Variants in C9orf72 observed in about 807,000 individuals in gnomAD.
The protein encoded by C9orf72 is C9orf72-SMCR8 complex subunit.
A neutral mutation model predicts 51.6 loss-of-function variants in C9orf72; 44 were observed. The ratio of observed to expected loss-of-function variants is 0.85; its 90% confidence interval spans 0.67 to 1.10. The LOEUF (loss-of-function observed/expected upper bound fraction) is 1.10, where lower values mean the gene tolerates loss of function less well. Among genes scored for constraint, C9orf72 ranks in the 50% least tolerant of loss-of-function variants. The pLI, the probability that C9orf72 is intolerant of heterozygous loss-of-function variation, is 0.00. For synonymous variants in C9orf72, 213 were observed against 194.2 expected, an observed-to-expected ratio of 1.10 and a Z score of -0.81; for missense variants, 607 against 570.6, an observed-to-expected ratio of 1.06 and a Z score of -0.65.
Position 27,558,542 on chromosome 9 carries a change from T to C in C9orf72, c.804A>G (p.Ala268=), listed in dbSNP as rs1819263957. 1 of 1,609,298 alleles carries C rather than the reference T, an allele frequency of 6.2e-7. No homozygotes were observed. Among genetic ancestry groups the C allele is most frequent in the African/African-American group, 1.3e-5 (1 of 74,882 alleles). Residue 268 remains alanine, a synonymous_variant, in exon 7 of 11, where the codon GCA becomes GCG. Coordinates refer to ENST00000380003, the MANE Select transcript of C9orf72 (RefSeq NM_018325.5). ...AERKCSRLCE[A]ESSFKYESGL... ...CTGACTCATATTTAAATGATGATTCTGCTTCACATAACCTGGAGCATTTTC... is the reference window on the plus strand; with the variant it reads ...CTGACTCATATTTAAATGATGATTCCGCTTCACATAACCTGGAGCATTTTC...
intron 1 of C9orf72, among the ~76,000 whole-genome samples, 154 bp from the exon 2 acceptor site, chr9:27,567,318 C>T (rs1819492599): frequency 6.6e-6 from 1 of 152,174 alleles, no homozygotes; most frequent in Non-Finnish European, 1.5e-5. Flanking sequence ...TCAACTAGCA[C>T]AGTAGGTGCA....
At chr9:27,548,912 T>C (rs1040837147) in intron 9 of C9orf72, among the ~76,000 whole-genome samples, 1 of 151,984 alleles carries the variant, frequency 6.6e-6, no homozygotes, top group Non-Finnish European at 1.5e-5. Context: ...TGGCGCGATC[T>C]TGACTCACTG....
chr9:27,566,589 A>G, intron 2 of C9orf72, 88 bp downstream of exon 2: 2 of 904,888 alleles, frequency 2.2e-6, no homozygotes, highest in South Asian at 1.8e-5. Context: ...TTCACTGCAT[A>G]TAATTAAAAA....
intron 5 of C9orf72, chr9:27,561,382 A>T: frequency 7.7e-7 from 1 of 1,303,768 alleles, no homozygotes; most frequent in Non-Finnish European, 9.7e-7. Flanking sequence ...GGTTTCTTTA[A>T]ATAGCAAATG....
intron 5 of C9orf72, chr9:27,560,525 G>T: frequency 1.5e-6 from 1 of 668,570 alleles, no homozygotes; most frequent in South Asian, 4.1e-5. Flanking sequence ...CAATTAGTCA[G>T]TATAATATCA....
chr9:27,573,226 C>CCGA (rs1455624031), intron 1 of C9orf72, among the ~76,000 whole-genome samples: 6 of 152,026 alleles, frequency 3.9e-5, no homozygotes, highest in Admixed American at 1.3e-4. Context: ...GCCGCCGCCG[C>CCGA]CGCCGCCGGG....
intron 8 of C9orf72, among the ~76,000 whole-genome samples, chr9:27,555,263 A>C (rs916594102): frequency 1.3e-5 from 2 of 152,192 alleles, no homozygotes; most frequent in African/African-American, 4.8e-5. Context: ...AGAACCAATA[A>C]AAACTCTGGA....
chr9:27,567,697 T>C (rs1819500651), intron 1 of C9orf72, among the ~76,000 whole-genome samples: 1 of 152,152 alleles, frequency 6.6e-6, no homozygotes, highest in Admixed American at 6.5e-5. Context: ...AGTGTAATCA[T>C]GTTAAAATGG....
intron 1 of C9orf72, among the ~76,000 whole-genome samples, chr9:27,570,092 T>G (rs1276815634): frequency 1.3e-5 from 2 of 152,220 alleles, no homozygotes; most frequent in Non-Finnish European, 2.9e-5. Flanking sequence ...TTTCAAAAAT[T>G]CATTTAGGTA....
chr9:27,554,427 A>C (rs879893062), intron 8 of C9orf72, among the ~76,000 whole-genome samples: 3 of 152,186 alleles, frequency 2.0e-5, no homozygotes, highest in Non-Finnish European at 4.4e-5. Context: ...TCTAAGTGGG[A>C]GCTAAACACT....
chr9:27,560,528 T>A (rs1819318674), intron 5 of C9orf72: 1 of 653,218 alleles, frequency 1.5e-6, no homozygotes, highest in African/African-American at 2.3e-5. Context: ...TTAGTCAGTA[T>A]AATATCATTT....
At position 27,556,750 on chromosome 9, in the gene C9orf72, G is replaced by A; in HGVS notation, c.902C>T (p.Ala301Val). ...FVLPFRQVMY[A>V]PYPTTHIDVD... is the part of the protein sequence containing the mutation. ...ATCTATGTGTGTGGTGGGATATGGA[G>A]CATACATGACTTGCCGGAAAGGCAG... The change falls in exon 8 of 11, where the codon GCT becomes GTT. Residue 301 changes from alanine to valine, a missense_variant. Ala to Val is a moderately conservative substitution (Grantham distance 64, BLOSUM62 0). Transcript: ENST00000380003. 6.2e-7 allele frequency: 1 copy of A among 1,613,962 alleles called. No homozygotes were observed.
chr9:27,548,453 AAAAAAAAAG>A (rs767103403), intron 10 of C9orf72, 31 bp from the exon 11 acceptor site: 1 of 1,414,190 alleles, frequency 7.1e-7, no homozygotes. Flanking sequence ...AAAAAAAAAA[AAAAAAAAAG>A]AAGCGCAAAA....
chr9:27,560,906 G>T, intron 5 of C9orf72: 2 of 356,896 alleles, frequency 5.6e-6, no homozygotes, highest in Non-Finnish European at 7.8e-6. Context: ...GAACTAACAT[G>T]TAGGCACTCA....
At position 27,567,145 on chromosome 9, in the gene C9orf72, T is replaced by A. The variant is rs746005912; in HGVS notation, c.-25A>T. 1.7e-5 allele frequency: 27 copies of A among 1,587,280 alleles called. No homozygotes were observed. Among genetic ancestry groups the A allele is most frequent in the Non-Finnish European group, 2.2e-5 (26 of 1,159,306 alleles). On this transcript the variant is annotated 5_prime_UTR_variant, in exon 2 of 11. Coordinates refer to ENST00000380003, the MANE Select transcript of C9orf72 (RefSeq NM_018325.5). The stretch of plus-strand genomic sequence containing the variant: ...TCACTGCATTCCAACTGTCACATTA[T>A]CCAAATGCTCCGGAGATATCTAAAC...
chr9:27,566,068 G>A lies in C9orf72; in HGVS notation c.445-478C>T, dbSNP rs555043671. 4.0e-4 allele frequency among the ~76,000 whole-genome samples: 61 copies of A among 152,210 alleles called. 1 individual carries two copies. Among genetic ancestry groups the A allele is most frequent in the African/African-American group, 1.5e-3 (61 of 41,548 alleles). ...TAATGCTTAATGGACTTTCAGGTTA[G>A]TATCAAACTGGAACACAGGAAGGAG... is the stretch of plus-strand genomic sequence containing the variant. On this transcript the variant is annotated intron_variant, in intron 2 of 10. Coordinates refer to ENST00000380003, the MANE Select transcript of C9orf72 (RefSeq NM_018325.5).
At chr9:27,558,643 G>C in intron 6 of C9orf72, 36 bp from the exon 7 acceptor site, 1 of 1,070,730 alleles carries the variant, frequency 9.3e-7, no homozygotes, top group Non-Finnish European at 1.4e-6. Context: ...AAAACATGAA[G>C]TAAAAAGACC....
At chr9:27,561,691 C>T in intron 4 of C9orf72, 42 bp from the exon 5 acceptor site, 1 of 1,277,272 alleles carries the variant, frequency 7.8e-7, no homozygotes, top group South Asian at 1.3e-5. Flanking sequence ...CTGGCTGTAA[C>T]ATAGTGTTGA....
intron 8 of C9orf72, 83 bp downstream of exon 8, chr9:27,556,478 G>T: frequency 1.2e-6 from 1 of 855,650 alleles, no homozygotes. Flanking sequence ...CTTTTTAAAT[G>T]CAACTTCTGT....
Sources: gnomAD v4.1 joint callset for allele counts (sites outside exome capture counted in the v4.1 genomes callset) on GRCh38, gnomAD v4.1.1 for gene constraint, MANE v1.5 for transcripts, NCBI Gene and HGNC (gene_info 2026-07-23, HGNC 2026-07-21) for gene names.